Variants in TENM2 observed in about 807,000 individuals in gnomAD.
TENM2 encodes teneurin transmembrane protein 2.
In TENM2, 52 loss-of-function variants were observed where a neutral mutation model predicts 245.2. That is an observed-to-expected ratio of 0.21 (90% CI 0.17 to 0.27). The LOEUF (loss-of-function observed/expected upper bound fraction) is 0.27, where lower values mean the gene tolerates loss of function less well. Among genes scored for constraint, TENM2 ranks in the 10% least tolerant of loss-of-function variants. The pLI, the probability that TENM2 is intolerant of heterozygous loss-of-function variation, is 1.00. For synonymous variants in TENM2, 1,363 were observed against 1,438.9 expected (o/e 0.95, Z 1.19); for missense variants, 3,046 against 3,666.8 (o/e 0.83, Z 4.37).
intron 7 of TENM2, among the ~76,000 whole-genome samples, chr5:168,063,839 AAG>A (rs1790267083): frequency 6.6e-6 from 1 of 152,134 alleles, no homozygotes. Context: ...TGATCAATAT[AAG>A]AACTAAAAGG....
rs112079570 is a variant in TENM2, at chr5:167,520,745, C to T, written c.502+145272C>T. Among the ~76,000 whole-genome samples, 370 of 151,872 alleles carry T rather than the reference C, an allele frequency of 2.4e-3. 4 individuals are homozygous for T. The highest frequency in any genetic ancestry group is 8.4e-3 in the African/African-American group (347 of 41,436). On this transcript the variant is annotated intron_variant, in intron 2 of 28. Coordinates refer to ENST00000518659, the Ensembl canonical transcript of TENM2. ...TCTTCATCTTTTCTCCACGTCATGG[C>T]GCTGCTTCCTCCCTATTCCTGCTTC...
At chr5:167,086,943 A>G in the TENM2 span, among the ~76,000 whole-genome samples, 750 of 151,622 alleles carry the variant, frequency 4.9e-3, 7 homozygotes, top group African/African-American at 0.017. Context: ...ACACACACAC[A>G]CACACACACA....
chr5:167,777,073 T>A (rs116601565), intron 2 of TENM2, among the ~76,000 whole-genome samples: 3,039 of 152,290 alleles, frequency 0.02, 92 homozygotes, highest in African/African-American at 0.07. Context: ...TAAACACAAT[T>A]TACAGGAGTA....
At chr5:167,483,174 A>G (rs190634637) in intron 2 of TENM2, among the ~76,000 whole-genome samples, 3 of 152,332 alleles carry the variant, frequency 2.0e-5, no homozygotes, top group Non-Finnish European at 4.4e-5. Context: ...CATGTAAAAC[A>G]CTTAGCCCAG....
intron 2 of TENM2, among the ~76,000 whole-genome samples, chr5:167,829,176 G>C (rs1015539673): frequency 5.3e-5 from 8 of 152,198 alleles, no homozygotes; most frequent in African/African-American, 1.4e-4. Flanking sequence ...CATTTGAAAT[G>C]CTATTTCCTC....
chr5:167,495,143 G>A (rs1207545607), intron 2 of TENM2, among the ~76,000 whole-genome samples: 1 of 151,906 alleles, frequency 6.6e-6, no homozygotes, highest in Non-Finnish European at 1.5e-5. Flanking sequence ...GTAACCTAAT[G>A]CAAACTTGTA....
At chr5:167,083,786 G>T in the TENM2 span, among the ~76,000 whole-genome samples, 1 of 152,170 alleles carries the variant, frequency 6.6e-6, no homozygotes, top group African/African-American at 2.4e-5. Flanking sequence ...TTTATGGATT[G>T]CCAGCTGTGG....
chr5:167,701,377 A>T (rs564731377), intron 2 of TENM2, among the ~76,000 whole-genome samples: 1 of 150,188 alleles, frequency 6.7e-6, no homozygotes, highest in Non-Finnish European at 1.5e-5. Flanking sequence ...CATTATCGTC[A>T]TGTTGGGTTT....
At chr5:167,662,835 A>G (rs1366238017) in intron 2 of TENM2, among the ~76,000 whole-genome samples, 3 of 152,188 alleles carry the variant, frequency 2.0e-5, no homozygotes, top group Admixed American at 6.5e-5. Flanking sequence ...TCAGAAATGC[A>G]GAACCTGAGG....
chr5:167,670,344 A>G (rs576657910), intron 2 of TENM2, among the ~76,000 whole-genome samples: 2 of 152,328 alleles, frequency 1.3e-5, no homozygotes, highest in South Asian at 4.1e-4. Flanking sequence ...TTTACTAAAC[A>G]TATACACATT....
the TENM2 span, among the ~76,000 whole-genome samples, chr5:167,020,621 T>A: frequency 6.6e-6 from 1 of 152,300 alleles, no homozygotes; most frequent in Non-Finnish European, 1.5e-5. Flanking sequence ...TCTGTGCAAC[T>A]GATTGAACCT....
chr5:167,565,078 A>G (rs1222616720), intron 2 of TENM2, among the ~76,000 whole-genome samples: 5 of 152,376 alleles, frequency 3.3e-5, no homozygotes, highest in Non-Finnish European at 7.3e-5. Flanking sequence ...AAATGGTGAT[A>G]GACTGCAACA....
chr5:167,330,382 A>G (rs1316339003), intron 1 of TENM2, among the ~76,000 whole-genome samples: 2 of 152,166 alleles, frequency 1.3e-5, no homozygotes, highest in Non-Finnish European at 2.9e-5. Flanking sequence ...TGAAGTCTGG[A>G]TTTGAATCCA....
chr5:168,058,135 C>G (rs962435273), intron 6 of TENM2, among the ~76,000 whole-genome samples: 30 of 152,200 alleles, frequency 2.0e-4, no homozygotes, highest in Non-Finnish European at 4.0e-4. Context: ...CTGAGTTATG[C>G]GTGACAGGAT....
At chr5:168,222,767 C>T (rs995716165) in intron 23 of TENM2, among the ~76,000 whole-genome samples, 2 of 152,170 alleles carry the variant, frequency 1.3e-5, no homozygotes, top group African/African-American at 4.8e-5. Flanking sequence ...TAGTCCTTAG[C>T]ACCTATTACT....
chr5:167,843,027 T>C lies in TENM2; in HGVS notation c.503-32959T>C, dbSNP rs531349989. Reference sequence around the variant, plus strand: ...CGCAACAACACTTTGATTTTTGAGATGATTGTATTGGTATCTAGTACCATG... The same window carrying C: ...CGCAACAACACTTTGATTTTTGAGACGATTGTATTGGTATCTAGTACCATG... On this transcript the variant is annotated intron_variant, in intron 2 of 28. Transcript: ENST00000518659. Among the ~76,000 whole-genome samples, 25 of 152,318 alleles carry C rather than the reference T, an allele frequency of 1.6e-4. No homozygotes were observed. The South Asian group carries it at 4.6e-3, about 28-fold the overall frequency.
At chr5:167,186,061 G>A in the TENM2 span, among the ~76,000 whole-genome samples, 5 of 152,214 alleles carry the variant, frequency 3.3e-5, no homozygotes, top group East Asian at 7.7e-4. Flanking sequence ...AGGGTAAGAA[G>A]ATAAAAACAT....
intron 1 of TENM2, among the ~76,000 whole-genome samples, chr5:167,360,091 G>C (rs960895781): frequency 6.6e-6 from 1 of 152,146 alleles, no homozygotes; most frequent in African/African-American, 2.4e-5. Context: ...TCTGGGTGAT[G>C]AAGAAATCTG....
chr5:167,843,732 C>G (rs1313440041), intron 2 of TENM2, among the ~76,000 whole-genome samples: 1 of 151,958 alleles, frequency 6.6e-6, no homozygotes, highest in Non-Finnish European at 1.5e-5. Flanking sequence ...CTCTCCTCCA[C>G]TTTTCTTTTC....
Sources: allele counts gnomAD v4.1 joint callset (sites outside exome capture counted in the v4.1 genomes callset), GRCh38; gene constraint gnomAD v4.1.1; transcripts MANE v1.5; gene names NCBI Gene and HGNC (gene_info 2026-07-23, HGNC 2026-07-21).